PLSCR5: variants seen among roughly 807,000 people sequenced by gnomAD.
The protein encoded by PLSCR5 is phospholipid scramblase family member 5, also known as phospholipid scramblase family, member 5.
Under a neutral mutation model 33.6 loss-of-function variants are expected in PLSCR5, and 44 were observed. That is an observed-to-expected ratio of 1.31 (90% CI 1.03 to 1.69). The LOEUF (loss-of-function observed/expected upper bound fraction) is 1.69. Ranked by LOEUF, PLSCR5 falls within the 40% of genes most tolerant of loss-of-function variation. PLSCR5 has a pLI of 0.00. For missense variants in PLSCR5, 375 were observed against 318.7 expected (o/e 1.18, Z -1.34); for synonymous variants, 148 against 112.3 (o/e 1.32, Z -2.01).
intron 4 of PLSCR5, among the ~76,000 whole-genome samples, chr3:146,592,883 C>G (rs1305084318): frequency 6.6e-6 from 1 of 152,140 alleles, no homozygotes; most frequent in Non-Finnish European, 1.5e-5. Flanking sequence ...AATGACTACA[C>G]TCTCTTGGGG....
downstream of PLSCR5, among the ~76,000 whole-genome samples, chr3:146,583,725 T>A (rs903867322): frequency 6.6e-6 from 1 of 152,198 alleles, no homozygotes; most frequent in African/African-American, 2.4e-5. Context: ...TGATATATTC[T>A]AAGAAGGATT....
At chr3:146,578,569 T>G (rs2044613953) in intron 7 of PLSCR5, among the ~76,000 whole-genome samples, 1 of 152,144 alleles carries the variant, frequency 6.6e-6, no homozygotes, top group Admixed American at 6.6e-5. Context: ...CTAACAGTTT[T>G]GTAAAATCTG....
chr3:146,592,483 C>T (rs1211810898), intron 4 of PLSCR5, among the ~76,000 whole-genome samples: 1 of 152,076 alleles, frequency 6.6e-6, no homozygotes, highest in Non-Finnish European at 1.5e-5. Flanking sequence ...TAGCATTTGA[C>T]TCCATTACCT....
intron 4 of PLSCR5, 30 bp downstream of exon 4, chr3:146,593,890 C>G (rs760250646): frequency 2.5e-6 from 4 of 1,583,968 alleles, no homozygotes; most frequent in African/African-American, 1.3e-5. Flanking sequence ...TCTTAAAAAT[C>G]AAAAAGGACA....
intron 1 of PLSCR5, among the ~76,000 whole-genome samples, chr3:146,603,979 A>G (rs1011549276): frequency 6.6e-6 from 1 of 152,102 alleles, no homozygotes; most frequent in Non-Finnish European, 1.5e-5. Context: ...TTAAAGATTG[A>G]TAAAAAATGG....
chr3:146,590,077 G>T, intron 5 of PLSCR5: 1 of 243,258 alleles, frequency 4.1e-6, no homozygotes, highest in Non-Finnish European at 7.8e-6. Flanking sequence ...AGAATATCAG[G>T]ATAAATAATT....
intron 1 of PLSCR5, among the ~76,000 whole-genome samples, chr3:146,601,898 CATTT>C (rs1430383716): frequency 5.9e-5 from 9 of 152,086 alleles, no homozygotes; most frequent in Non-Finnish European, 4.4e-5. Flanking sequence ...TTCATTCATT[CATTT>C]ATTTATTCAT....
intron 7 of PLSCR5, among the ~76,000 whole-genome samples, chr3:146,580,323 T>C (rs1346317898): frequency 6.6e-6 from 1 of 151,748 alleles, no homozygotes; most frequent in African/African-American, 2.4e-5. Flanking sequence ...CAAGACTGTA[T>C]GTGATTTAGC....
At chr3:146,595,782 A>G in intron 2 of PLSCR5, among the ~76,000 whole-genome samples, 1 of 152,200 alleles carries the variant, frequency 6.6e-6, no homozygotes, top group East Asian at 1.9e-4. Flanking sequence ...AGAAGACATG[A>G]AACAACACAA....
At chr3:146,582,800 G>T (rs982148352), downstream of PLSCR5, among the ~76,000 whole-genome samples, 6 of 152,110 alleles carry the variant, frequency 3.9e-5, no homozygotes, top group African/African-American at 1.4e-4. Flanking sequence ...TTATACTGCA[G>T]GTCACAAGAT....
chr3:146,585,758 G>A (rs531045415), downstream of PLSCR5: 25 of 178,886 alleles, frequency 1.4e-4, no homozygotes, highest in South Asian at 3.6e-3. Flanking sequence ...TAAAAAGAAA[G>A]AATGGTAATC....
intron 1 of PLSCR5, among the ~76,000 whole-genome samples, chr3:146,600,820 C>T: frequency 6.7e-6 from 1 of 148,368 alleles, no homozygotes; most frequent in Middle Eastern, 3.3e-3. Flanking sequence ...ATATTATATA[C>T]ATATATGAAC....
At position 146,604,819 on chromosome 3, in the gene PLSCR5, G is replaced by T. The variant is rs1028024305; in HGVS notation, c.13+381C>A. Among the ~76,000 whole-genome samples, 37 of 152,040 alleles carry T rather than the reference G, an allele frequency of 2.4e-4. 1 individual carries two copies. Among genetic ancestry groups the T allele is most frequent in the African/African-American group, 7.2e-4 (30 of 41,512 alleles). Reference sequence around the variant, plus strand: ...TTTTAATTAAAAAAATTATTAAATTGCACTTTAACACTTTCTAACTTATGT... The same window carrying T: ...TTTTAATTAAAAAAATTATTAAATTTCACTTTAACACTTTCTAACTTATGT... On this transcript the variant is annotated intron_variant, in intron 1 of 7. Coordinates refer to ENST00000443512, the MANE Select transcript of PLSCR5 (RefSeq NM_001085420.2).
intron 1 of PLSCR5, among the ~76,000 whole-genome samples, chr3:146,603,702 ATATTT>A (rs1463256962): frequency 6.6e-6 from 1 of 152,158 alleles, no homozygotes; most frequent in Non-Finnish European, 1.5e-5. Context: ...TAGCTTATAA[ATATTT>A]TATACACTCT....
intron 1 of PLSCR5, among the ~76,000 whole-genome samples, chr3:146,604,600 A>G (rs921015814): frequency 6.6e-6 from 1 of 152,082 alleles, no homozygotes; most frequent in Non-Finnish European, 1.5e-5. Flanking sequence ...ATATCACATA[A>G]TTTGAATAAC....
intron 5 of PLSCR5, among the ~76,000 whole-genome samples, chr3:146,591,127 C>A (rs2044710827): frequency 6.6e-6 from 1 of 151,420 alleles, no homozygotes; most frequent in African/African-American, 2.4e-5. Flanking sequence ...TCTCAAGGCC[C>A]ATAGGAAAGA....
At chr3:146,596,510 T>C (rs1182832306) in intron 2 of PLSCR5, among the ~76,000 whole-genome samples, 1 of 152,192 alleles carries the variant, frequency 6.6e-6, no homozygotes, top group Non-Finnish European at 1.5e-5. Flanking sequence ...TTATTTTCAA[T>C]CTGATATTCA....
chr3:146,588,730 T>C lies in PLSCR5; in HGVS notation c.777+923A>G, dbSNP rs889593846. ...AAAGTCTGTAGATTAGATAATAGCATTGAATCAGTGTTTAGTGCCTGACTT... is the reference window on the plus strand; with the variant it reads ...AAAGTCTGTAGATTAGATAATAGCACTGAATCAGTGTTTAGTGCCTGACTT... On this transcript the variant is annotated intron_variant, in intron 6 of 7. Coordinates refer to ENST00000443512, the MANE Select transcript of PLSCR5 (RefSeq NM_001085420.2). Among the ~76,000 whole-genome samples the C allele has an allele frequency of 8.5e-5, 13 of 152,166 alleles. 1 individual carries two copies. Among genetic ancestry groups the C allele is most frequent in the Admixed American group, 6.5e-4 (10 of 15,272 alleles).
At chr3:146,600,533 T>C in intron 1 of PLSCR5, 70 bp from the exon 2 acceptor site, 1 of 1,313,678 alleles carries the variant, frequency 7.6e-7, no homozygotes, top group East Asian at 2.8e-5. Flanking sequence ...CTTAAAGTAT[T>C]TGTTACTTCT....
Sources: allele counts gnomAD v4.1 joint callset (sites outside exome capture counted in the v4.1 genomes callset), GRCh38; gene constraint gnomAD v4.1.1; transcripts MANE v1.5; gene names NCBI Gene and HGNC (gene_info 2026-07-23, HGNC 2026-07-21).